PDE1C: variants seen among roughly 807,000 people sequenced by gnomAD.
The protein encoded by PDE1C is dual specificity calcium/calmodulin-dependent 3',5'-cyclic nucleotide phosphodiesterase 1C.
A neutral mutation model predicts 93.1 loss-of-function variants in PDE1C; 62 were observed. The ratio of observed to expected loss-of-function variants is 0.67; its 90% CI spans 0.54 to 0.82. The LOEUF (loss-of-function observed/expected upper bound fraction) is 0.82. Ranked by LOEUF, PDE1C falls within the 40% of genes least tolerant of loss-of-function variation. The probability of loss-of-function intolerance (pLI) is 0.00; values close to 1 mark genes in which losing one functional copy is unlikely to be tolerated. For synonymous variants in PDE1C, 325 were observed against 310.1 expected (o/e 1.05, Z -0.50); for missense variants, 742 against 884.6 (o/e 0.84, Z 2.04).
intron 3 of PDE1C, among the ~76,000 whole-genome samples, chr7:32,157,600 A>G (rs1303029866): frequency 6.6e-6 from 1 of 152,188 alleles, no homozygotes; most frequent in Non-Finnish European, 1.5e-5. Context: ...AAATTTGAAC[A>G]CAGACTGTAT....
chr7:32,306,878 A>AAAGCTACC (rs1454278976), intron 1 of PDE1C, among the ~76,000 whole-genome samples: 1 of 152,148 alleles, frequency 6.6e-6, no homozygotes, highest in Non-Finnish European at 1.5e-5. Flanking sequence ...AGCAACCAAT[A>AAAGCTACC]AAGCTACCTG....
At chr7:31,866,152 A>G (rs1365503996) in intron 6 of PDE1C, among the ~76,000 whole-genome samples, 1 of 152,170 alleles carries the variant, frequency 6.6e-6, no homozygotes, top group Non-Finnish European at 1.5e-5. Context: ...TATACAATAT[A>G]AGGCTAGGGG....
the PDE1C span, among the ~76,000 whole-genome samples, chr7:31,691,897 G>C: frequency 6.6e-6 from 1 of 151,474 alleles, no homozygotes; most frequent in South Asian, 2.1e-4. Context: ...AAGAGACTCA[G>C]GTGTCTAATG....
chr7:32,223,166 T>C (rs34742249), intron 1 of PDE1C, among the ~76,000 whole-genome samples: 18,304 of 152,168 alleles, frequency 0.12, 1,194 homozygotes, highest in East Asian at 0.23. Context: ...GAGTTCATCT[T>C]CTCCTCTCAT....
intron 1 of PDE1C, among the ~76,000 whole-genome samples, chr7:32,213,654 A>C (rs1806219291): frequency 6.6e-6 from 1 of 152,216 alleles, no homozygotes; most frequent in Non-Finnish European, 1.5e-5. Flanking sequence ...TGCATGTTTA[A>C]AAGTATACAG....
chr7:31,801,270 A>C (rs1785995042), intron 16 of PDE1C, among the ~76,000 whole-genome samples: 1 of 151,298 alleles, frequency 6.6e-6, no homozygotes, highest in Non-Finnish European at 1.5e-5. Context: ...GCATATAAAA[A>C]ATGAGAGTGA....
upstream of PDE1C, among the ~76,000 whole-genome samples, chr7:32,301,828 G>A (rs1812888477): frequency 6.6e-6 from 1 of 152,212 alleles, no homozygotes; most frequent in Non-Finnish European, 1.5e-5. Flanking sequence ...AGTTGGAGCA[G>A]GATTTGACAA....
chr7:32,255,293 C>T (rs948919749), intron 1 of PDE1C, among the ~76,000 whole-genome samples: 3 of 152,134 alleles, frequency 2.0e-5, no homozygotes, highest in Non-Finnish European at 4.4e-5. Context: ...CACATCCTTC[C>T]CTCTCTCACT....
At chr7:32,355,987 G>A (rs1002499781) in intron 1 of PDE1C, among the ~76,000 whole-genome samples, 2 of 152,188 alleles carry the variant, frequency 1.3e-5, no homozygotes. Context: ...TCACTGGGAT[G>A]TGTTCCTCAT....
At chr7:32,073,077 T>A (rs1796155750), upstream of PDE1C, among the ~76,000 whole-genome samples, 1 of 152,212 alleles carries the variant, frequency 6.6e-6, no homozygotes, top group African/African-American at 2.4e-5. Context: ...ATATTAAGCA[T>A]GATACTTACC....
chr7:32,242,575 G>C (rs1808621785), intron 1 of PDE1C, among the ~76,000 whole-genome samples: 1 of 152,188 alleles, frequency 6.6e-6, no homozygotes, highest in African/African-American at 2.4e-5. Context: ...GGTGGCCTGG[G>C]TGCAAATGTC....
intron 1 of PDE1C, among the ~76,000 whole-genome samples, chr7:32,265,971 G>T (rs1327412692): frequency 7.8e-6 from 1 of 128,666 alleles, no homozygotes; most frequent in Non-Finnish European, 1.8e-5. Flanking sequence ...TACCAAGGAA[G>T]ATGATCAAGA....
intron 3 of PDE1C, among the ~76,000 whole-genome samples, chr7:32,086,319 G>C (rs1475202231): frequency 6.6e-6 from 1 of 152,036 alleles, no homozygotes; most frequent in Non-Finnish European, 1.5e-5. Context: ...ACCTCTTCAA[G>C]GAGAACTACA....
chr7:31,817,155 T>A (rs1472848462), intron 14 of PDE1C, among the ~76,000 whole-genome samples: 1 of 152,126 alleles, frequency 6.6e-6, no homozygotes, highest in African/African-American at 2.4e-5. Flanking sequence ...CAGAGTAATA[T>A]GCTGGAATAT....
chr7:31,810,065 C>A (rs1787364679), intron 15 of PDE1C, among the ~76,000 whole-genome samples: 1 of 152,106 alleles, frequency 6.6e-6, no homozygotes, highest in African/African-American at 2.4e-5. Context: ...AAGAGACAGG[C>A]AAAGCCAGAA....
the PDE1C span, among the ~76,000 whole-genome samples, chr7:31,709,008 A>G: frequency 1.3e-5 from 2 of 152,204 alleles, no homozygotes; most frequent in Admixed American, 6.5e-5. Context: ...TTACAAAACC[A>G]AAAGCAATTA....
At chr7:32,227,301 AT>A (rs1299284061) in intron 1 of PDE1C, among the ~76,000 whole-genome samples, 1 of 152,164 alleles carries the variant, frequency 6.6e-6, no homozygotes, top group African/African-American at 2.4e-5. Flanking sequence ...AGAAGGGAAC[AT>A]CCTCAGGGAA....
chr7:32,087,668 G>T (rs912007374), intron 3 of PDE1C, among the ~76,000 whole-genome samples: 2 of 152,092 alleles, frequency 1.3e-5, no homozygotes, highest in African/African-American at 2.4e-5. Context: ...ATACTATGCA[G>T]CCATAAAAAA....
At chr7:32,187,685 G>A (rs67771477) in intron 2 of PDE1C, among the ~76,000 whole-genome samples, 8,975 of 152,186 alleles carry the variant, frequency 0.059, 475 homozygotes, top group East Asian at 0.33. Flanking sequence ...AGTTGCATAC[G>A]TAATTTTAAA....
Sources: gnomAD v4.1 joint callset for allele counts (sites outside exome capture counted in the v4.1 genomes callset) on GRCh38, gnomAD v4.1.1 for gene constraint, MANE v1.5 for transcripts, NCBI Gene and HGNC (gene_info 2026-07-23, HGNC 2026-07-21) for gene names.